Variants in ROBO1 observed in about 807,000 individuals in gnomAD.
ROBO1 encodes the protein roundabout guidance receptor 1, also known as roundabout homolog 1.
A neutral mutation model predicts 195.9 loss-of-function variants in ROBO1; 149 were observed. The observed-to-expected ratio is 0.76, with a 90% CI of 0.67 to 0.87. The LOEUF (loss-of-function observed/expected upper bound fraction) is 0.87. Ranked by LOEUF, ROBO1 falls within the 40% of genes least tolerant of loss-of-function variation. ROBO1 has a pLI of 0.00. For missense variants in ROBO1, 1,933 were observed against 2,068.3 expected, an observed-to-expected ratio of 0.93 and a Z score of 1.27; for synonymous variants, 816 against 733.2, an observed-to-expected ratio of 1.11 and a Z score of -1.82.
intron 3 of ROBO1, among the ~76,000 whole-genome samples, chr3:78,947,848 C>G (rs902931259): frequency 6.6e-6 from 1 of 152,136 alleles, no homozygotes; most frequent in African/African-American, 2.4e-5. Context: ...GATAACACCA[C>G]CAATCCCACA....
At chr3:79,489,208 A>G (rs541478316) in intron 2 of ROBO1, among the ~76,000 whole-genome samples, 1 of 151,984 alleles carries the variant, frequency 6.6e-6, no homozygotes, top group Non-Finnish European at 1.5e-5. Flanking sequence ...GGCAATTACA[A>G]TTGTGGAATT....
intron 2 of ROBO1, among the ~76,000 whole-genome samples, chr3:79,348,228 A>AAT (rs904441220): frequency 6.0e-5 from 9 of 149,918 alleles, no homozygotes; most frequent in African/African-American, 2.3e-4. Context: ...AAAAAAAAAA[A>AAT]AAGTGAAGAT....
intron 4 of ROBO1, among the ~76,000 whole-genome samples, chr3:78,850,798 T>G (rs968175142): frequency 6.6e-6 from 1 of 151,050 alleles, no homozygotes; most frequent in African/African-American, 2.5e-5. Flanking sequence ...TCTTTGTTTC[T>G]TTTCTTTTCT....
intron 4 of ROBO1, among the ~76,000 whole-genome samples, chr3:78,822,087 T>TATAC (rs2031043272): frequency 7.8e-6 from 1 of 128,026 alleles, no homozygotes; most frequent in East Asian, 2.5e-4. Flanking sequence ...GAAACACACA[T>TATAC]ATACATACAC....
intron 2 of ROBO1, among the ~76,000 whole-genome samples, chr3:79,471,163 T>C (rs1310517430): frequency 6.6e-6 from 1 of 151,918 alleles, no homozygotes; most frequent in Admixed American, 6.6e-5. Context: ...ATCAGAAATA[T>C]CAAAGACTCA....
chr3:78,861,550 C>T (rs1417646627), intron 4 of ROBO1, among the ~76,000 whole-genome samples: 1 of 152,192 alleles, frequency 6.6e-6, no homozygotes, highest in Non-Finnish European at 1.5e-5. Context: ...ATTTTCATTA[C>T]ATATTGCCAT....
chr3:79,278,084 AATATCTAGTAATAAATTTAGCAAGGAG>A (rs1421535944), intron 2 of ROBO1, among the ~76,000 whole-genome samples: 1 of 152,098 alleles, frequency 6.6e-6, no homozygotes, highest in African/African-American at 2.4e-5. Context: ...AAATAAATAA[AATATCTAGTAATAAATTTAGCAAGGAG>A]ATGAAAGACA....
chr3:78,726,615 C>G (rs753066784), intron 5 of ROBO1, among the ~76,000 whole-genome samples: 5 of 152,170 alleles, frequency 3.3e-5, no homozygotes, highest in Non-Finnish European at 7.3e-5. Context: ...AGCAGAATAT[C>G]TCTTCATAGA....
At chr3:79,062,815 C>A (rs1467407971) in intron 3 of ROBO1, among the ~76,000 whole-genome samples, 1 of 151,982 alleles carries the variant, frequency 6.6e-6, no homozygotes, top group East Asian at 1.9e-4. Flanking sequence ...GGGAACATCA[C>A]ACACTGGGGC....
intron 2 of ROBO1, among the ~76,000 whole-genome samples, chr3:79,520,729 A>G (rs1941172899): frequency 6.6e-6 from 1 of 152,300 alleles, no homozygotes. Flanking sequence ...TACCTGAGGG[A>G]AAAGAATTGG....
intron 3 of ROBO1, among the ~76,000 whole-genome samples, chr3:78,962,635 C>T (rs978208789): frequency 1.3e-5 from 2 of 151,848 alleles, no homozygotes; most frequent in African/African-American, 4.8e-5. Context: ...ACCATCCTGG[C>T]TAACACGGTG....
intron 1 of ROBO1, among the ~76,000 whole-genome samples, chr3:79,590,407 C>T (rs1050778811): frequency 1.3e-5 from 2 of 151,826 alleles, no homozygotes; most frequent in Non-Finnish European, 2.9e-5. Flanking sequence ...ACTTGCTCTT[C>T]ACCCAGGTGC....
At chr3:79,656,200 G>T (rs567773469) in intron 1 of ROBO1, among the ~76,000 whole-genome samples, 2 of 151,282 alleles carry the variant, frequency 1.3e-5, no homozygotes, top group Non-Finnish European at 2.9e-5. Context: ...ATTTCTCTTA[G>T]GTCAACGGTT....
intron 2 of ROBO1, among the ~76,000 whole-genome samples, chr3:79,339,024 C>T (rs959168195): frequency 6.6e-6 from 1 of 152,066 alleles, no homozygotes; most frequent in Non-Finnish European, 1.5e-5. Context: ...TCTTTCTTCC[C>T]ACCTACAATC....
intron 4 of ROBO1, among the ~76,000 whole-genome samples, chr3:78,912,249 T>C (rs564742501): frequency 1.3e-5 from 2 of 152,224 alleles, no homozygotes; most frequent in African/African-American, 4.8e-5. Flanking sequence ...TGCATTTTTA[T>C]ACTGGACAGA....
chr3:79,230,833 C>T (rs1479411688), intron 2 of ROBO1, among the ~76,000 whole-genome samples: 1 of 152,076 alleles, frequency 6.6e-6, no homozygotes, highest in African/African-American at 2.4e-5. Context: ...TACAGGGATA[C>T]AGTAATGAAA....
chr3:79,046,986 G>A (rs1263818469), intron 3 of ROBO1, among the ~76,000 whole-genome samples: 1 of 152,140 alleles, frequency 6.6e-6, no homozygotes, highest in East Asian at 1.9e-4. Flanking sequence ...TCTAGAAGGA[G>A]AGGCCCCCAT....
intron 8 of ROBO1, among the ~76,000 whole-genome samples, chr3:78,711,297 C>CTCTTTCTT (rs373370454): frequency 5.0e-5 from 7 of 140,854 alleles, no homozygotes; most frequent in East Asian, 4.0e-4. Flanking sequence ...TTCTTTCTTT[C>CTCTTTCTT]TCTTTCTTTC....
At chr3:78,756,834 AAAC>A in intron 4 of ROBO1, among the ~76,000 whole-genome samples, 1 of 152,168 alleles carries the variant, frequency 6.6e-6, no homozygotes. Flanking sequence ...CACCAGTAAA[AAAC>A]AACAACATAA....
Sources: gnomAD v4.1 joint callset for allele counts (sites outside exome capture counted in the v4.1 genomes callset) on GRCh38, gnomAD v4.1.1 for gene constraint, MANE v1.5 for transcripts, NCBI Gene and HGNC (gene_info 2026-07-23, HGNC 2026-07-21) for gene names.